TRANK1: variants seen among roughly 807,000 people sequenced by gnomAD.
TRANK1 encodes the protein TPR and ankyrin repeat-containing protein 1.
In TRANK1, 198 loss-of-function variants were observed where a neutral mutation model predicts 266.0. That is an observed-to-expected ratio of 0.74 (90% CI 0.66 to 0.84). The LOEUF is 0.84. TRANK1 is among the 40% of genes least tolerant of loss of function. The pLI, the probability that TRANK1 is intolerant of heterozygous loss-of-function variation, is 0.00. For missense variants in TRANK1, 3,326 were observed against 3,634.6 expected (o/e 0.92, Z 2.18); for synonymous variants, 1,396 against 1,384.1 (o/e 1.01, Z -0.19).
chr3:36,853,088 C>T (rs9883001), intron 13 of TRANK1, among the ~76,000 whole-genome samples: 54,537 of 152,008 alleles, frequency 0.36, 10,197 homozygotes, highest in African/African-American at 0.42. Context: ...TCTGAAGTGA[C>T]GTTAATAGTG....
intron 5 of TRANK1, 121 bp downstream of exon 5, chr3:36,895,519 T>A: frequency 1.7e-6 from 1 of 594,950 alleles, no homozygotes. Flanking sequence ...ATATCCTAGT[T>A]AAAAATTTAC....
At chr3:36,879,913 A>G (rs2079485816) in intron 8 of TRANK1, among the ~76,000 whole-genome samples, 1 of 69,990 alleles carries the variant, frequency 1.4e-5, no homozygotes, top group Admixed American at 1.8e-4. Context: ...TAAACATGCA[A>G]ATATATGTAA....
At chr3:36,866,458 T>A (rs769244735) in intron 9 of TRANK1, among the ~76,000 whole-genome samples, 1 of 151,898 alleles carries the variant, frequency 6.6e-6, no homozygotes, top group Non-Finnish European at 1.5e-5. Flanking sequence ...AGTAGGTGAG[T>A]GGGGGAAGCA....
At position 36,831,190 on chromosome 3, in the gene TRANK1, G is replaced by A; in HGVS notation, c.8393C>T (p.Ala2798Val). 1 of 1,613,976 alleles carries A rather than the reference G, an allele frequency of 6.2e-7. No individual in the cohort carries two copies. Among genetic ancestry groups the A allele is most frequent in the Non-Finnish European group, 8.5e-7 (1 of 1,179,892 alleles). The change falls in exon 22 of 24, where the codon GCA becomes GTA. Residue 2798 changes from alanine (A) to valine (V), a missense_variant. By Grantham distance (64) the Ala-to-Val change is moderately conservative. Transcript: ENST00000645898. This position sits in a 1 kb window ranked among gnomAD's most constrained non-coding sequence, Gnocchi z 5.0. ...TTCCAGCTCAGCCCTGGAAAGGACTGCCACCTCGGAAGCTGCCCCCTCAAA... is the reference window on the plus strand; with the variant it reads ...TTCCAGCTCAGCCCTGGAAAGGACTACCACCTCGGAAGCTGCCCCCTCAAA... ...KAFEGAASEVAVLSRAELERE... is the reference protein window; with the variant it reads ...KAFEGAASEVVVLSRAELERE...
intron 8 of TRANK1, among the ~76,000 whole-genome samples, chr3:36,879,671 T>A (rs866073914): frequency 2.8e-5 from 2 of 71,756 alleles, no homozygotes; most frequent in Non-Finnish European, 2.6e-5. Flanking sequence ...TAAATATATA[T>A]AAATATATAA....
chr3:36,901,535 G>C (rs1440692175), intron 3 of TRANK1, among the ~76,000 whole-genome samples: 1 of 151,984 alleles, frequency 6.6e-6, no homozygotes, highest in Non-Finnish European at 1.5e-5. Flanking sequence ...ACATTTTTTG[G>C]AGCTTTACCT....
At chr3:36,884,790 G>A (rs2079578039) in intron 8 of TRANK1, among the ~76,000 whole-genome samples, 3 of 152,018 alleles carry the variant, frequency 2.0e-5, no homozygotes, top group African/African-American at 7.3e-5. Flanking sequence ...AAAATTAGCT[G>A]AGCATGGTGG....
chr3:36,895,600 G>T, intron 5 of TRANK1, 40 bp downstream of exon 5: 2 of 1,255,864 alleles, frequency 1.6e-6, no homozygotes, highest in Non-Finnish European at 2.2e-6. Flanking sequence ...ATTTCATCAA[G>T]AATGTACTCT....
At chr3:36,931,208 CAG>C (rs2080356273) in intron 1 of TRANK1, among the ~76,000 whole-genome samples, 1 of 151,870 alleles carries the variant, frequency 6.6e-6, no homozygotes, top group Admixed American at 6.6e-5. Flanking sequence ...GACCCATCAA[CAG>C]GGGACTGATT....
upstream of TRANK1, among the ~76,000 whole-genome samples, chr3:36,945,276 G>T (rs1344517809): frequency 2.0e-5 from 3 of 152,194 alleles, no homozygotes; most frequent in Non-Finnish European, 4.4e-5. Flanking sequence ...GGGCATGCGA[G>T]AATTCGGCTT....
intron 9 of TRANK1, among the ~76,000 whole-genome samples, chr3:36,866,014 C>T (rs377300486): frequency 7.6e-6 from 1 of 132,020 alleles, no homozygotes; most frequent in South Asian, 2.5e-4. Flanking sequence ...GAGAGAGAGA[C>T]AGACAGAAAG....
intron 16 of TRANK1, 148 bp from the exon 17 acceptor site, chr3:36,846,552 C>T: frequency 1.4e-6 from 1 of 700,228 alleles, no homozygotes; most frequent in East Asian, 2.8e-5. Context: ...ATACCAGGAG[C>T]TCACTGTGGC....
At chr3:36,849,947 T>A (rs1179988616) in intron 15 of TRANK1, 1 of 852,948 alleles carries the variant, frequency 1.2e-6, no homozygotes, top group African/African-American at 1.8e-5. Flanking sequence ...TTCAGGCAAC[T>A]CCCTGAGCCA....
At chr3:36,922,965 G>T (rs2080236636) in intron 1 of TRANK1, among the ~76,000 whole-genome samples, 1 of 152,126 alleles carries the variant, frequency 6.6e-6, no homozygotes, top group Admixed American at 6.5e-5. Context: ...CTATAAGTCT[G>T]TCTTTCTTCA....
chr3:36,874,026 G>T, intron 9 of TRANK1, 100 bp downstream of exon 9: 5 of 982,344 alleles, frequency 5.1e-6, no homozygotes, highest in Non-Finnish European at 7.1e-6. Flanking sequence ...ATATATGTGT[G>T]TGTATATATA....
At chr3:36,863,032 C>T (rs546287227) in intron 10 of TRANK1, among the ~76,000 whole-genome samples, 58 of 151,932 alleles carry the variant, frequency 3.8e-4, no homozygotes, top group African/African-American at 1.3e-3. Context: ...AAAGTGAAGA[C>T]AGAAAAAAGT....
At chr3:36,846,954 A>T (rs1010745720) in intron 16 of TRANK1, among the ~76,000 whole-genome samples, 2 of 152,194 alleles carry the variant, frequency 1.3e-5, no homozygotes, top group South Asian at 2.1e-4. Context: ...CCAGAGGTGA[A>T]CTAGAAAGGA....
intron 9 of TRANK1, among the ~76,000 whole-genome samples, chr3:36,869,815 C>T (rs1486742564): frequency 6.6e-6 from 1 of 152,230 alleles, no homozygotes; most frequent in East Asian, 1.9e-4. Flanking sequence ...GAGCCACACA[C>T]ATTTCAACTG....
intron 8 of TRANK1, among the ~76,000 whole-genome samples, chr3:36,879,910 G>GCAAATATATGTAAATATA (rs2079485688): frequency 1.8e-4 from 3 of 16,900 alleles, no homozygotes; most frequent in Non-Finnish European, 3.0e-4. Context: ...ATGTAAACAT[G>GCAAATATATGTAAATATA]CAAATATATG....
Sources: gnomAD v4.1 joint callset for allele counts (sites outside exome capture counted in the v4.1 genomes callset) on GRCh38, gnomAD v4.1.1 for gene constraint, Gnocchi (gnomAD v3.1) non-coding constraint, MANE v1.5 for transcripts, NCBI Gene and HGNC (gene_info 2026-07-23, HGNC 2026-07-21) for gene names.